The following TGM4 variants were observed in gnomAD, a reference collection of about 807,000 sequenced individuals.
The protein encoded by TGM4 is transglutaminase 4.
A neutral mutation model predicts 76.3 loss-of-function variants in TGM4; 61 were observed. That is an observed-to-expected ratio of 0.80 (90% confidence interval 0.65 to 0.99). TGM4 has a LOEUF of 0.99. Among genes scored for constraint, TGM4 ranks in the 50% least tolerant of loss-of-function variants. The pLI is 0.00. For missense variants in TGM4, 794 were observed against 843.2 expected (o/e 0.94, Z 0.72); for synonymous variants, 337 against 329.8 (o/e 1.02, Z -0.24).
At chr3:44,880,718 G>A (rs1699520992) in intron 1 of TGM4, among the ~76,000 whole-genome samples, 1 of 152,114 alleles carries the variant, frequency 6.6e-6, no homozygotes, top group South Asian at 2.1e-4. Flanking sequence ...TTTTTTCTCT[G>A]TGTATCTCAT....
intron 3 of TGM4, chr3:44,889,288 A>G (rs1209656596): frequency 6.6e-6 from 1 of 152,030 alleles, no homozygotes; most frequent in African/African-American, 2.4e-5. Context: ...CAGGAGTTCA[A>G]TGCTGCAATG....
chr3:44,901,563 T>C lies in TGM4; in HGVS notation c.697T>C (p.Trp233Arg), dbSNP rs774730698. The change falls in exon 7 of 14, where the codon TGG becomes CGG. Residue 233 changes from tryptophan (W) to arginine (R), a missense_variant. Trp to Arg is a moderately radical substitution (Grantham distance 101, BLOSUM62 -3). Transcript: ENST00000296125. ...EKGQGVLIGN[W>R]TGDYEGGTAP... ...AGGCCAGGGCGTGCTCATTGGGAAT[T>C]GGACTGGGGACTACGAAGGTGGCAC... The C allele has an allele frequency of 1.2e-6, 2 of 1,613,592 alleles. No individual in the cohort carries two copies. Among genetic ancestry groups the C allele is most frequent in the South Asian group, 1.1e-5 (1 of 90,998 alleles).
chr3:44,874,830 T>C (rs1699428282), intron 1 of TGM4, 133 bp downstream of exon 1: 2 of 1,012,724 alleles, frequency 2.0e-6, no homozygotes. Context: ...TGCTGCTTGC[T>C]TTCTGTCTCA....
chr3:44,887,899 G>C (rs1185094546), intron 3 of TGM4, 104 bp downstream of exon 3: 1 of 1,004,060 alleles, frequency 1.0e-6, no homozygotes, highest in Non-Finnish European at 1.5e-6. Flanking sequence ...TGGTAACATG[G>C]TTTAAAGCCA....
intron 2 of TGM4, among the ~76,000 whole-genome samples, chr3:44,886,554 G>A (rs898165757): frequency 2.6e-5 from 4 of 152,168 alleles, no homozygotes; most frequent in South Asian, 2.1e-4. Flanking sequence ...CCTGCTCAAC[G>A]CATGGACTGG....
At chr3:44,904,809 G>A (rs1186259121) in intron 9 of TGM4, among the ~76,000 whole-genome samples, 1 of 151,880 alleles carries the variant, frequency 6.6e-6, no homozygotes, top group Non-Finnish European at 1.5e-5. Flanking sequence ...AGTCTCCTGA[G>A]TAGCTGGGAC....
intron 4 of TGM4, among the ~76,000 whole-genome samples, chr3:44,892,259 A>AAAT (rs1699711101): frequency 6.6e-6 from 1 of 151,678 alleles, no homozygotes; most frequent in Admixed American, 6.6e-5. Context: ...CTCTGTCTCA[A>AAAT]AAATAAATAA....
Position 44,900,091 on chromosome 3 carries a change from TGC to T in TGM4, c.658-1432_658-1431del, listed in dbSNP as rs374491578. Among the ~76,000 whole-genome samples, 188 of 152,312 alleles carry T rather than the reference TGC, an allele frequency of 1.2e-3. 1 individual carries two copies. The highest frequency in any genetic ancestry group is 4.3e-3 in the African/African-American group (180 of 41,578). On this transcript the variant is annotated intron_variant, in intron 6 of 13. Coordinates refer to ENST00000296125, the MANE Select transcript of TGM4 (RefSeq NM_003241.4). ...TGTTCCGCAGGGGGATAGAGCCTCG[TGC>T]ATCAGGAGTTTTGAAAGTCCTGATG...
chr3:44,911,419 G>T lies in TGM4; in HGVS notation c.1913+13G>T, dbSNP rs771282163. The T allele has an allele frequency of 6.2e-7, 1 of 1,613,556 alleles. No homozygotes were observed. Among genetic ancestry groups the T allele is most frequent in the Non-Finnish European group, 8.5e-7 (1 of 1,179,834 alleles). On this transcript the variant is annotated intron_variant, in intron 13 of 13. Transcript: ENST00000296125. The stretch of plus-strand genomic sequence containing the variant: ...CCTCTGACCATGGGTGAGTCTGCCT[G>T]AGGTATTCTTAGAAATATGCTTCTG...
rs559678046 is a variant in TGM4 at position 44,883,499 on chromosome 3, C to T, written c.20-1826C>T. On this transcript the variant is annotated intron_variant, in intron 1 of 13. Coordinates refer to ENST00000296125, the MANE Select transcript of TGM4 (RefSeq NM_003241.4). ...GAACTGTGAGAAATAAATTTCTATT[C>T]TTTCTAAATGACCCAGTCTCAGGTA... 1.2e-3 allele frequency among the ~76,000 whole-genome samples: 177 copies of T among 152,320 alleles called. 4 individuals carry two copies. Among genetic ancestry groups the T allele is most frequent in the Non-Finnish European group, 3.1e-4 (21 of 68,030 alleles).
intron 1 of TGM4, among the ~76,000 whole-genome samples, chr3:44,883,005 C>G (rs558729767): frequency 6.6e-6 from 1 of 152,218 alleles, no homozygotes; most frequent in African/African-American, 2.4e-5. Context: ...ACTGCTCTTT[C>G]CTGCTTCCTG....
chr3:44,912,836 A>G (rs1474678109), intron 13 of TGM4, among the ~76,000 whole-genome samples: 4 of 152,220 alleles, frequency 2.6e-5, no homozygotes, highest in Admixed American at 6.5e-5. Context: ...CATCAATATT[A>G]TAGCTTTTAT....
intron 10 of TGM4, among the ~76,000 whole-genome samples, chr3:44,907,823 A>G (rs1177604205): frequency 1.3e-5 from 2 of 152,116 alleles, no homozygotes; most frequent in African/African-American, 4.8e-5. Flanking sequence ...ACAGATTTGT[A>G]TTTCCCCTGT....
rs191979049 is a variant in TGM4 at position 44,878,845 on chromosome 3, A to G, written c.19+4148A>G. ...ATAAGAGGATTCATGTCTCTCATTC[A>G]TTTTGGAAAGTTTTCAACCATCACC... On this transcript the variant is annotated intron_variant, in intron 1 of 13. Transcript: ENST00000296125. 4.1e-3 allele frequency among the ~76,000 whole-genome samples: 618 copies of G among 152,164 alleles called. 12 individuals carry two copies. Among genetic ancestry groups the G allele is most frequent in the South Asian group, 2.3e-3 (11 of 4,828 alleles).
rs1158442557 is a variant in TGM4, at chr3:44,887,147, A to C, written c.194-542A>C. On this transcript the variant is annotated intron_variant, in intron 2 of 13. Coordinates refer to ENST00000296125, the MANE Select transcript of TGM4 (RefSeq NM_003241.4). The stretch of plus-strand genomic sequence containing the variant: ...CAGGGAGGAAAGTGGGGAGCTGGGG[A>C]GAAGCCTCACTGAGGGCCACCTGTG... Among the ~76,000 whole-genome samples, 3 of 152,222 alleles carry C rather than the reference A, an allele frequency of 2.0e-5. No individual in the cohort carries two copies. The South Asian group carries it at 6.2e-4, about 31-fold the overall frequency.
In TGM4 at chr3:44,903,288, A is replaced by ACGAC. The variant is rs539663628; in HGVS notation, c.972-596_972-595insCGAC. ...ACCAATACCCTGTGGATACCGAGGA[A>ACGAC]TGACTGTTAATTGTCTACCTAGAAA... On this transcript the variant is annotated intron_variant, in intron 8 of 13. Transcript: ENST00000296125. Among the ~76,000 whole-genome samples the ACGAC allele has an allele frequency of 4.4e-3, 664 of 152,306 alleles. 5 individuals are homozygous for ACGAC. Among genetic ancestry groups the ACGAC allele is most frequent in the African/African-American group, 0.015 (614 of 41,572 alleles).
At chr3:44,893,158 C>T (rs1699727004) in intron 4 of TGM4, among the ~76,000 whole-genome samples, 1 of 152,180 alleles carries the variant, frequency 6.6e-6, no homozygotes, top group Non-Finnish European at 1.5e-5. Context: ...GTTCTTGCTT[C>T]AACCATTCTT....
At chr3:44,892,884 T>C (rs1166875545) in intron 4 of TGM4, among the ~76,000 whole-genome samples, 2 of 152,186 alleles carry the variant, frequency 1.3e-5, no homozygotes, top group Admixed American at 6.5e-5. Context: ...TGATTCATCA[T>C]CTTTAGATTC....
intron 2 of TGM4, among the ~76,000 whole-genome samples, chr3:44,886,077 C>T (rs552130085): frequency 6.6e-6 from 1 of 152,194 alleles, no homozygotes; most frequent in African/African-American, 2.4e-5. Context: ...GGCATGGCAG[C>T]TCATGCCTGT....
Sources: allele counts gnomAD v4.1 joint callset (sites outside exome capture counted in the v4.1 genomes callset), GRCh38; gene constraint gnomAD v4.1.1; transcripts MANE v1.5; gene names NCBI Gene and HGNC (gene_info 2026-07-23, HGNC 2026-07-21).